Variants in ITPR1 observed in about 807,000 individuals in gnomAD.
ITPR1 encodes the protein inositol 1,4,5-trisphosphate-gated calcium channel ITPR1.
In ITPR1, 96 loss-of-function variants were observed where a neutral mutation model predicts 318.4. The observed-to-expected ratio is 0.30, with a 90% confidence interval of 0.26 to 0.36. The LOEUF (loss-of-function observed/expected upper bound fraction) is 0.36. ITPR1 is among the 10% of genes least tolerant of loss of function. The pLI is 1.00. For missense variants in ITPR1, 2,440 were observed against 3,460.2 expected (o/e 0.71, Z 7.40); for synonymous variants, 1,312 against 1,289.9 (o/e 1.02, Z -0.37).
At chr3:4,520,948 G>T (rs2082517809) in intron 3 of ITPR1, 76 bp from the exon 4 acceptor site, 2 of 1,079,458 alleles carry the variant, frequency 1.9e-6, no homozygotes, top group East Asian at 2.4e-5. Flanking sequence ...AAAGCCCTGG[G>T]ATATCTGATT....
At chr3:4,649,613 A>G (rs750998472) in intron 10 of ITPR1, among the ~76,000 whole-genome samples, 3 of 152,204 alleles carry the variant, frequency 2.0e-5, no homozygotes, top group African/African-American at 2.4e-5. Context: ...CCTATCATAT[A>G]TGGTCCTTCA....
chr3:4,818,878 G>C (rs1053422412), intron 60 of ITPR1, among the ~76,000 whole-genome samples: 10 of 152,194 alleles, frequency 6.6e-5, no homozygotes, highest in African/African-American at 2.4e-4. Context: ...AACGTGCGCT[G>C]TGGGTGTCCC....
At chr3:4,634,451 A>G (rs755892421) in intron 5 of ITPR1, among the ~76,000 whole-genome samples, 1 of 151,808 alleles carries the variant, frequency 6.6e-6, no homozygotes, top group Non-Finnish European at 1.5e-5. Context: ...AGCTGAAGCA[A>G]TCCACCCACC....
chr3:4,579,831 C>A (rs1383990466), intron 4 of ITPR1, among the ~76,000 whole-genome samples: 1 of 152,114 alleles, frequency 6.6e-6, no homozygotes, highest in African/African-American at 2.4e-5. Flanking sequence ...CTTTATAGTT[C>A]CATCCCCCAA....
chr3:4,626,170 A>C (rs1406954431), intron 4 of ITPR1, among the ~76,000 whole-genome samples: 1 of 150,626 alleles, frequency 6.6e-6, no homozygotes, highest in East Asian at 1.9e-4. Flanking sequence ...ATTGGTGGCT[A>C]TACCCTAAAC....
At chr3:4,700,020 C>A in intron 35 of ITPR1, 79 bp downstream of exon 35, 1 of 1,332,592 alleles carries the variant, frequency 7.5e-7, no homozygotes, top group Middle Eastern at 1.8e-4. Context: ...TGGGAGTAAG[C>A]AATTGTAAAT....
At chr3:4,697,431 T>C (rs189313557) in intron 34 of ITPR1, among the ~76,000 whole-genome samples, 159 bp downstream of exon 34, 1 of 150,088 alleles carries the variant, frequency 6.7e-6, no homozygotes, top group African/African-American at 2.4e-5. Context: ...CACTTGTGAC[T>C]TTCTTCTCAT....
chr3:4,811,221 C>T (rs1308943686), intron 55 of ITPR1, 44 bp from the exon 56 acceptor site: 4 of 1,373,022 alleles, frequency 2.9e-6, no homozygotes, highest in Non-Finnish European at 2.9e-6. Flanking sequence ...TGATGTACAT[C>T]TAACATCAAG....
intron 44 of ITPR1, among the ~76,000 whole-genome samples, chr3:4,742,363 A>T (rs6765970): frequency 0.96 from 145,646 of 152,318 alleles, 69,668 homozygotes; most frequent in East Asian, 1. Context: ...CCGGTAGACA[A>T]GTGGAGCTGC....
intron 39 of ITPR1, among the ~76,000 whole-genome samples, chr3:4,716,883 A>G (rs1246270832): frequency 6.6e-6 from 1 of 152,188 alleles, no homozygotes; most frequent in Non-Finnish European, 1.5e-5. Context: ...TGCTGGTCTT[A>G]TTAGCTGCTG....
intron 46 of ITPR1, among the ~76,000 whole-genome samples, chr3:4,774,522 G>A (rs974341461): frequency 2.0e-5 from 3 of 152,164 alleles, no homozygotes; most frequent in African/African-American, 7.2e-5. Context: ...GATGACTGGA[G>A]CCTCTGACAA....
rs772671230 is a variant in ITPR1, at chr3:4,652,245, CT to C, written c.951+30del. On this transcript the variant is annotated intron_variant, in intron 11 of 61. Transcript: ENST00000649015. ...TAAGTAGCAGCTCCTGTGGTTTTCT[CT>C]TTCAAGGCTGACGCACCTCACCGCC... is the stretch of plus-strand genomic sequence containing the variant. The C allele has an allele frequency of 2.6e-6, 4 of 1,547,986 alleles. No individual in the cohort carries two copies. The African/African-American group carries it at 4.1e-5, about 16-fold the overall frequency.
intron 61 of ITPR1, among the ~76,000 whole-genome samples, chr3:4,840,124 G>A (rs907486978): frequency 1.4e-5 from 2 of 141,294 alleles, no homozygotes; most frequent in Non-Finnish European, 3.0e-5. Flanking sequence ...ATTATGTAAC[G>A]TCCTACAAAC....
At chr3:4,752,370 C>G (rs911612086) in intron 44 of ITPR1, among the ~76,000 whole-genome samples, 2 of 152,140 alleles carry the variant, frequency 1.3e-5, no homozygotes, top group Admixed American at 1.3e-4. Flanking sequence ...TGCTGTGTCA[C>G]TGGGGCCGGG....
intron 49 of ITPR1, among the ~76,000 whole-genome samples, chr3:4,781,455 C>T (rs1379797928): frequency 6.6e-6 from 1 of 152,100 alleles, no homozygotes. Flanking sequence ...TATGAGCAGA[C>T]CCAGTCCCCG....
At chr3:4,749,920 A>T (rs1176184277) in intron 44 of ITPR1, 1 of 152,712 alleles carries the variant, frequency 6.5e-6, no homozygotes, top group Non-Finnish European at 1.5e-5. Flanking sequence ...ATTTCAGGGG[A>T]CCTGATTTGT....
chr3:4,532,702 T>A (rs1179216874), intron 4 of ITPR1, among the ~76,000 whole-genome samples: 3 of 152,196 alleles, frequency 2.0e-5, no homozygotes, highest in African/African-American at 7.2e-5. Context: ...GTTGTCATGC[T>A]CCTGCAAGGC....
intron 4 of ITPR1, among the ~76,000 whole-genome samples, chr3:4,607,468 G>T (rs147091721): frequency 6.6e-6 from 1 of 152,234 alleles, no homozygotes; most frequent in Non-Finnish European, 1.5e-5. Flanking sequence ...CCACCCAATG[G>T]GTTCTTCTTG....
intron 10 of ITPR1, among the ~76,000 whole-genome samples, chr3:4,649,018 C>G (rs2093531410): frequency 6.6e-6 from 1 of 152,118 alleles, no homozygotes; most frequent in Non-Finnish European, 1.5e-5. Context: ...CCCATGGTCC[C>G]CACCACAGAG....
Sources: allele counts gnomAD v4.1 joint callset (sites outside exome capture counted in the v4.1 genomes callset), GRCh38; gene constraint gnomAD v4.1.1; transcripts MANE v1.5; gene names NCBI Gene and HGNC (gene_info 2026-07-23, HGNC 2026-07-21).